Variants in CUL2 observed in about 807,000 individuals in gnomAD.
CUL2 encodes the protein cullin 2, also known as cullin-2.
In CUL2, 22 loss-of-function variants were observed where a neutral mutation model predicts 110.2. The ratio of observed to expected loss-of-function variants is 0.20; its 90% CI spans 0.14 to 0.28. CUL2 has a LOEUF of 0.28. Ranked by LOEUF, CUL2 falls within the 10% of genes least tolerant of loss-of-function variation. CUL2 has a pLI of 1.00. For synonymous variants in CUL2, 279 were observed against 293.2 expected, an observed-to-expected ratio of 0.95 and a Z score of 0.49; for missense variants, 631 against 905.5, an observed-to-expected ratio of 0.70 and a Z score of 3.89.
chr10:35,106,375 A>T (rs2087456252), intron 1 of CUL2, among the ~76,000 whole-genome samples: 1 of 151,012 alleles, frequency 6.6e-6, no homozygotes, highest in Non-Finnish European at 1.5e-5. Flanking sequence ...GCTGGAGTGC[A>T]GTGGCGCGAT....
At chr10:35,015,905 C>T (rs774833519) in intron 18 of CUL2, among the ~76,000 whole-genome samples, 4 of 152,310 alleles carry the variant, frequency 2.6e-5, no homozygotes, top group East Asian at 1.9e-4. Context: ...TTCAAAATCT[C>T]AATTAATCAA....
rs111259829 is a variant in CUL2 at position 35,011,701 on chromosome 10, G to C, written c.2106+147C>G. The C allele has an allele frequency of 5.3e-6, 3 of 566,114 alleles. No homozygotes were observed. The East Asian group carries it at 8.6e-5, about 16-fold the overall frequency. The allele number at this position is 566,114 out of a possible 1,614,324, so 35.1% of individuals were successfully genotyped here. A position where few individuals can be genotyped will look rare whatever the true frequency, so the allele number is the denominator to read the frequency against. ...AATTTAATACTGAAATTGTGAGTGA[G>C]TACGATTCTGATTAAGTATGAAACA... On this transcript the variant is annotated intron_variant, in intron 20 of 20. Coordinates refer to ENST00000374749, the MANE Select transcript of CUL2 (RefSeq NM_003591.4).
intron 1 of CUL2, among the ~76,000 whole-genome samples, chr10:35,072,418 G>C (rs1471039531): frequency 1.3e-5 from 2 of 151,694 alleles, no homozygotes; most frequent in Non-Finnish European, 2.9e-5. Flanking sequence ...GCCCAGGCTG[G>C]AGTGCAGTGG....
upstream of CUL2, among the ~76,000 whole-genome samples, chr10:35,092,296 T>C (rs953412850): frequency 1.3e-5 from 2 of 152,176 alleles, no homozygotes; most frequent in East Asian, 3.9e-4. Context: ...GTACTGATGG[T>C]GCAAAGGAAT....
At chr10:35,049,069 G>A (rs772533007) in intron 6 of CUL2, among the ~76,000 whole-genome samples, 1 of 152,182 alleles carries the variant, frequency 6.6e-6, no homozygotes, top group African/African-American at 2.4e-5. Context: ...GACTGACAGA[G>A]TGCTTCTGAG....
At chr10:35,091,038 A>T (rs2087196287), upstream of CUL2, among the ~76,000 whole-genome samples, 1 of 152,188 alleles carries the variant, frequency 6.6e-6, no homozygotes, top group Non-Finnish European at 1.5e-5. Context: ...TGTATTTTCG[A>T]TAAAGAAACT....
At chr10:35,061,019 C>T in intron 3 of CUL2, 51 bp from the exon 4 acceptor site, 3 of 1,531,688 alleles carry the variant, frequency 2.0e-6, no homozygotes, top group Non-Finnish European at 2.7e-6. Context: ...ATCATTTTCA[C>T]TGTCAACAAT....
intron 17 of CUL2, among the ~76,000 whole-genome samples, chr10:35,018,288 CAAAA>C (rs11357517): frequency 5.3e-4 from 40 of 75,268 alleles, no homozygotes; most frequent in African/African-American, 1.9e-3. Flanking sequence ...CTCCATCTCA[CAAAA>C]AAAAAAAAAA....
chr10:35,034,240 A>T (rs1198293282), intron 10 of CUL2, among the ~76,000 whole-genome samples: 1 of 152,244 alleles, frequency 6.6e-6, no homozygotes, highest in Non-Finnish European at 1.5e-5. Flanking sequence ...GTCATTGGAC[A>T]TGGAATCTAT....
At chr10:35,033,398 C>T in intron 10 of CUL2, 125 bp from the exon 11 acceptor site, 2 of 644,500 alleles carry the variant, frequency 3.1e-6, no homozygotes, top group Non-Finnish European at 5.4e-6. Flanking sequence ...ATGCACACTT[C>T]TCAGAAAATG....
chr10:35,056,134 T>C (rs2086235931), intron 4 of CUL2, among the ~76,000 whole-genome samples: 1 of 152,218 alleles, frequency 6.6e-6, no homozygotes, highest in South Asian at 2.1e-4. Flanking sequence ...TCATCTTCTC[T>C]CTAGAATGTA....
chr10:35,029,834 C>T (rs549530874), intron 14 of CUL2, among the ~76,000 whole-genome samples, 194 bp from the exon 15 acceptor site: 5 of 152,130 alleles, frequency 3.3e-5, no homozygotes, highest in Non-Finnish European at 5.9e-5. Context: ...TTTTTAAAGA[C>T]GTATTTTAAA....
chr10:35,046,100 T>C (rs961877453), intron 6 of CUL2, among the ~76,000 whole-genome samples: 1 of 152,248 alleles, frequency 6.6e-6, no homozygotes, highest in African/African-American at 2.4e-5. Context: ...CTTTAATTAT[T>C]TGGATATTCT....
chr10:35,071,787 A>G (rs1275628054), intron 1 of CUL2, among the ~76,000 whole-genome samples: 1 of 152,202 alleles, frequency 6.6e-6, no homozygotes, highest in Non-Finnish European at 1.5e-5. Context: ...GCACACAACA[A>G]AATGTTAGCT....
At chr10:35,096,014 G>C (rs1395495927) in intron 2 of CUL2, among the ~76,000 whole-genome samples, 1 of 152,048 alleles carries the variant, frequency 6.6e-6, no homozygotes, top group African/African-American at 2.4e-5. Flanking sequence ...TTCGGAGTCC[G>C]AGGCGGGTGG....
At chr10:35,077,168 A>G (rs1301207302) in intron 1 of CUL2, among the ~76,000 whole-genome samples, 3 of 152,180 alleles carry the variant, frequency 2.0e-5, no homozygotes, top group Admixed American at 2.0e-4. Flanking sequence ...TGGCAATACG[A>G]GGAAATGAAG....
chr10:35,059,165 A>G (rs1356026900), intron 4 of CUL2, among the ~76,000 whole-genome samples: 2 of 152,252 alleles, frequency 1.3e-5, no homozygotes, highest in African/African-American at 2.4e-5. Context: ...CAAATATTAC[A>G]TAAGCCTAGC....
chr10:35,118,703 TCCTTGGGACAATCAGCTG>T (rs1340353785), intron 1 of CUL2: 2 of 152,034 alleles, frequency 1.3e-5, no homozygotes, highest in African/African-American at 4.8e-5. Flanking sequence ...TCATACTTAT[TCCTTGGGACAATCAGCTG>T]CCTTGGCGAT....
intron 2 of CUL2, among the ~76,000 whole-genome samples, chr10:35,069,019 C>T (rs1447385178): frequency 6.6e-6 from 1 of 152,076 alleles, no homozygotes; most frequent in Non-Finnish European, 1.5e-5. Context: ...CAGGCACCCA[C>T]AACCACGCCC....
Sources: gnomAD v4.1 joint callset for allele counts (sites outside exome capture counted in the v4.1 genomes callset) on GRCh38, gnomAD v4.1.1 for gene constraint, MANE v1.5 for transcripts, NCBI Gene and HGNC (gene_info 2026-07-23, HGNC 2026-07-21) for gene names.